FBN2: variants seen among roughly 807,000 people sequenced by gnomAD.
FBN2 encodes fibrillin 2, also known as fibrillin-2.
FBN2 carries 105 observed loss-of-function variants against 355.6 expected under a neutral mutation model. The observed-to-expected ratio is 0.30, with a 90% CI of 0.25 to 0.35. FBN2 has a LOEUF of 0.35. Among genes scored for constraint, FBN2 ranks in the 10% least tolerant of loss-of-function variants. The pLI is 1.00. For missense variants in FBN2, 3,280 were observed against 3,758.7 expected (o/e 0.87, Z 3.33); for synonymous variants, 1,350 against 1,301.2 (o/e 1.04, Z -0.81).
intron 5 of FBN2, among the ~76,000 whole-genome samples, chr5:128,482,875 C>T (rs1233332275): frequency 4.1e-4 from 62 of 152,046 alleles, no homozygotes; most frequent in Non-Finnish European, 2.9e-5. Context: ...AGACCAGCCA[C>T]AAGGTTTTTA....
rs577465783 is a variant in FBN2, at chr5:128,352,059, C to T, written c.2675-1054G>A. Among the ~76,000 whole-genome samples the T allele has an allele frequency of 4.6e-5, 7 of 152,086 alleles. No individual in the cohort carries two copies. In the South Asian group the frequency reaches 1.2e-3, roughly 27 times the overall value. ...CAATGTATGTTCTGTTATGCAAAGG[C>T]CAATATTTCTCCAGCTGAAGATAAT... is the stretch of plus-strand genomic sequence containing the variant. On this transcript the variant is annotated intron_variant, in intron 20 of 64. Coordinates refer to ENST00000262464, the MANE Select transcript of FBN2 (RefSeq NM_001999.4).
At chr5:128,297,278 A>T (rs867552019) in intron 48 of FBN2, among the ~76,000 whole-genome samples, 11 of 152,166 alleles carry the variant, frequency 7.2e-5, no homozygotes, top group Non-Finnish European at 1.5e-4. Flanking sequence ...ATTTTGGAAT[A>T]GGTGTGGTGT....
At chr5:128,492,085 TAGAA>T (rs1420815552) in intron 5 of FBN2, among the ~76,000 whole-genome samples, 1 of 152,192 alleles carries the variant, frequency 6.6e-6, no homozygotes, top group Admixed American at 6.5e-5. Context: ...TTGTCAAAGT[TAGAA>T]AGGCATTCCA....
At chr5:128,307,225 A>G in intron 41 of FBN2, 22 bp from the exon 42 acceptor site, 1 of 1,376,636 alleles carries the variant, frequency 7.3e-7, no homozygotes, top group Non-Finnish European at 1.0e-6. Flanking sequence ...AAACAAAGCA[A>G]TGCACTCTTA....
In FBN2 at chr5:128,300,890, G is replaced by C. The variant is rs1131691293; in HGVS notation, c.6093C>G (p.Thr2031=). The C allele has an allele frequency of 1.9e-6, 3 of 1,613,606 alleles. 1 individual carries two copies. The highest frequency in any genetic ancestry group is 2.5e-6 in the Non-Finnish European group (3 of 1,179,654). Residue 2031 remains threonine (T), a synonymous_variant, in exon 48 of 65, where the codon ACC becomes ACG. Coordinates refer to ENST00000262464, the MANE Select transcript of FBN2 (RefSeq NM_001999.4). ...TGAAGGATCCCTCCAAATTCTGACA[G>C]GTACCAGGAGAGCAAGAGCCGGGAA... ...VALPGSCSPG[T]CQNLEGSFRC...
At chr5:128,458,232 G>A (rs545041380) in intron 6 of FBN2, among the ~76,000 whole-genome samples, 19 of 152,066 alleles carry the variant, frequency 1.2e-4, no homozygotes, top group African/African-American at 2.6e-4. Flanking sequence ...AGGGCATTAC[G>A]TAATGGTAAA....
At chr5:128,328,349 G>C (rs2126886150) in intron 34 of FBN2, 2 of 540,302 alleles carry the variant, frequency 3.7e-6, no homozygotes, top group Non-Finnish European at 6.6e-6. Context: ...ATAAATAGTG[G>C]TAGTTGAGAC....
In FBN2 at chr5:128,289,076, T is replaced by C. The variant is rs373774031; in HGVS notation, c.6637+51A>G. ...TACCTGAGAGACCTTTTACTGAATA[T>C]GAGAAGTAAAATAGAACTTTAAAAT... On this transcript the variant is annotated intron_variant, in intron 52 of 64. Coordinates refer to ENST00000262464, the MANE Select transcript of FBN2 (RefSeq NM_001999.4). The C allele has an allele frequency of 8.7e-6, 14 of 1,602,024 alleles. No homozygotes were observed. The African/African-American group carries it at 1.7e-4, about 20-fold the overall frequency.
chr5:128,333,478 A>C (rs1750747177), intron 31 of FBN2, among the ~76,000 whole-genome samples: 1 of 152,200 alleles, frequency 6.6e-6, no homozygotes, highest in Admixed American at 6.5e-5. Flanking sequence ...AACTTTTTAA[A>C]AAAAGTAATA....
chr5:128,507,466 T>C (rs1755994097), intron 5 of FBN2, among the ~76,000 whole-genome samples: 1 of 152,014 alleles, frequency 6.6e-6, no homozygotes, highest in Non-Finnish European at 1.5e-5. Context: ...GCTATATAAA[T>C]GGTTGTCTTA....
chr5:128,287,098 G>A (rs1317722854), intron 54 of FBN2, among the ~76,000 whole-genome samples: 2 of 152,264 alleles, frequency 1.3e-5, no homozygotes, highest in East Asian at 3.9e-4. Flanking sequence ...AGAATAGTGG[G>A]CTTCTCAACC....
chr5:128,383,939 A>C (rs1191833542), intron 11 of FBN2, among the ~76,000 whole-genome samples: 1 of 152,112 alleles, frequency 6.6e-6, no homozygotes, highest in East Asian at 1.9e-4. Context: ...CTCCACGCCT[A>C]GGTATATACT....
chr5:128,469,273 T>C (rs1279607442), intron 5 of FBN2, among the ~76,000 whole-genome samples: 3 of 152,120 alleles, frequency 2.0e-5, no homozygotes, highest in East Asian at 3.9e-4. Flanking sequence ...CCTAGGGTAG[T>C]GTGTGGCTCA....
At chr5:128,391,046 C>A (rs1729374132) in intron 11 of FBN2, among the ~76,000 whole-genome samples, 3 of 152,000 alleles carry the variant, frequency 2.0e-5, no homozygotes, top group South Asian at 4.1e-4. Flanking sequence ...TTCAAATGAC[C>A]AATGCATGTT....
At chr5:128,460,500 A>G (rs1290369025) in intron 6 of FBN2, among the ~76,000 whole-genome samples, 1 of 152,204 alleles carries the variant, frequency 6.6e-6, no homozygotes, top group Non-Finnish European at 1.5e-5. Context: ...AATTAGAAAA[A>G]AAAACATTTT....
intron 11 of FBN2, among the ~76,000 whole-genome samples, chr5:128,381,554 T>C (rs1194666352): frequency 1.3e-5 from 2 of 152,130 alleles, no homozygotes; most frequent in East Asian, 3.8e-4. Flanking sequence ...ATTCAATTTG[T>C]TGTTTATAAA....
intron 1 of FBN2, among the ~76,000 whole-genome samples, 154 bp from the exon 2 acceptor site, chr5:128,536,638 T>G (rs894617074): frequency 3.9e-5 from 6 of 152,168 alleles, no homozygotes; most frequent in Non-Finnish European, 7.3e-5. Context: ...GAGGCAGACG[T>G]GGAAGCAAAA....
chr5:128,311,651 AG>A (rs1211321511), intron 38 of FBN2, among the ~76,000 whole-genome samples: 1 of 152,230 alleles, frequency 6.6e-6, no homozygotes, highest in Non-Finnish European at 1.5e-5. Context: ...AGATTATTCA[AG>A]GTAGAGGACA....
intron 58 of FBN2, among the ~76,000 whole-genome samples, chr5:128,277,100 T>C (rs900102027): frequency 6.6e-6 from 1 of 152,214 alleles, no homozygotes; most frequent in African/African-American, 2.4e-5. Flanking sequence ...AAGAAGTCAG[T>C]TGGGTTTTCT....
Sources: gnomAD v4.1 joint callset for allele counts (sites outside exome capture counted in the v4.1 genomes callset) on GRCh38, gnomAD v4.1.1 for gene constraint, MANE v1.5 for transcripts, NCBI Gene and HGNC (gene_info 2026-07-23, HGNC 2026-07-21) for gene names.